LHFPL6: variants seen among roughly 807,000 people sequenced by gnomAD.
LHFPL6 encodes the protein LHFPL tetraspan subfamily member 6, also known as LHFPL tetraspan subfamily member 6 protein.
A neutral mutation model predicts 20.6 loss-of-function variants in LHFPL6; 9 were observed. The observed-to-expected ratio is 0.44, with a 90% CI of 0.26 to 0.76. The LOEUF is 0.76. LHFPL6 is among the 30% of genes least tolerant of loss of function. The probability of loss-of-function intolerance (pLI) is 0.20; values close to 1 mark genes in which losing one functional copy is unlikely to be tolerated. For missense variants in LHFPL6, 218 were observed against 253.5 expected (o/e 0.86, Z 0.95); for synonymous variants, 105 against 98.7 (o/e 1.06, Z -0.38).
chr13:39,343,772 A>G lies in LHFPL6; in HGVS notation c.*164T>C, dbSNP rs1399901368. 1.5e-5 allele frequency: 9 copies of G among 591,812 alleles called. No homozygotes were observed. Among genetic ancestry groups the G allele is most frequent in the Non-Finnish European group, 2.7e-5 (9 of 335,772 alleles). The allele number at this position is 591,812 out of a possible 1,614,324, so 36.7% of individuals were successfully genotyped here. On this transcript the variant is annotated 3_prime_UTR_variant, in exon 4 of 4. Coordinates refer to ENST00000379589, the MANE Select transcript of LHFPL6 (RefSeq NM_005780.3). ...TTTTTTCCCCCACAAATCTCCTACA[A>G]TCCTTCCTTCCTATATCATGTTCCT...
chr13:39,360,274 C>T (rs1869844172), intron 3 of LHFPL6, among the ~76,000 whole-genome samples: 1 of 98,006 alleles, frequency 1.0e-5, no homozygotes, highest in African/African-American at 3.0e-5. Flanking sequence ...CTGCCTCAGC[C>T]TCCCAAAGTG....
At position 39,391,723 on chromosome 13, in the gene LHFPL6, C is replaced by A. The variant is rs887891760; in HGVS notation, c.386-13197G>T. On this transcript the variant is annotated intron_variant, in intron 2 of 3. Transcript: ENST00000379589. ...AACGTATCATAAGATTGCTGATATGCACCATCAATACGGTGGTACAGGTGG... is the reference window on the plus strand; with the variant it reads ...AACGTATCATAAGATTGCTGATATGAACCATCAATACGGTGGTACAGGTGG... 2.2e-5 allele frequency among the ~76,000 whole-genome samples: 3 copies of A among 135,622 alleles called. No individual in the cohort carries two copies. In the South Asian group the frequency reaches 6.8e-4, roughly 31 times the overall value. 89.0% of individuals were successfully genotyped at this position (135,622 alleles called of 152,430 possible).
At chr13:39,393,354 G>A (rs1870758601) in intron 2 of LHFPL6, among the ~76,000 whole-genome samples, 1 of 152,192 alleles carries the variant, frequency 6.6e-6, no homozygotes, top group Non-Finnish European at 1.5e-5. Context: ...GAAGAATAAT[G>A]CAGAAACAAC....
chr13:39,395,318 TCAGG>T (rs1474904995), intron 2 of LHFPL6, among the ~76,000 whole-genome samples: 2 of 152,196 alleles, frequency 1.3e-5, no homozygotes, highest in Non-Finnish European at 2.9e-5. Flanking sequence ...AGTATTACAG[TCAGG>T]CAGGCTGAGT....
At chr13:39,553,795 G>A (rs942419882) in intron 2 of LHFPL6, among the ~76,000 whole-genome samples, 1 of 152,190 alleles carries the variant, frequency 6.6e-6, no homozygotes, top group Non-Finnish European at 1.5e-5. Flanking sequence ...TACCTAGCCT[G>A]CTGGATGAAC....
At chr13:39,567,831 C>T (rs117734216) in intron 2 of LHFPL6, among the ~76,000 whole-genome samples, 3,637 of 152,296 alleles carry the variant, frequency 0.024, 62 homozygotes, top group Non-Finnish European at 0.038. Context: ...ACAGCCATTC[C>T]CATTCATTTA....
At chr13:39,556,750 C>A (rs77520971) in intron 2 of LHFPL6, among the ~76,000 whole-genome samples, 3,836 of 152,166 alleles carry the variant, frequency 0.025, 165 homozygotes, top group African/African-American at 0.087. Flanking sequence ...ATTGTTTGAA[C>A]CCAGGAGTTT....
At chr13:39,453,896 C>A (rs779402341) in intron 2 of LHFPL6, among the ~76,000 whole-genome samples, 21 of 152,308 alleles carry the variant, frequency 1.4e-4, no homozygotes, top group Non-Finnish European at 2.6e-4. Context: ...TCTAGCCCAT[C>A]GGCCACCTGA....
At chr13:39,364,252 G>A (rs1317617241) in intron 3 of LHFPL6, among the ~76,000 whole-genome samples, 1 of 152,212 alleles carries the variant, frequency 6.6e-6, no homozygotes, top group East Asian at 1.9e-4. Flanking sequence ...TCCAGGTGAT[G>A]TTGCTGGGTA....
At chr13:39,561,862 A>G (rs1871493423) in intron 2 of LHFPL6, among the ~76,000 whole-genome samples, 1 of 152,176 alleles carries the variant, frequency 6.6e-6, no homozygotes. Flanking sequence ...CTTTCACTTG[A>G]TTCTCACAAC....
In LHFPL6 at chr13:39,454,389, G is replaced by A. The variant is rs1328554689; in HGVS notation, c.386-75863C>T. On this transcript the variant is annotated intron_variant, in intron 2 of 3. Transcript: ENST00000379589. Reference sequence around the variant, plus strand: ...TCACGCCTGTAATCCCAGCACTTTGGGAGGCCGAGGCGGGCGGATCATGAG... The same window carrying A: ...TCACGCCTGTAATCCCAGCACTTTGAGAGGCCGAGGCGGGCGGATCATGAG... Among the ~76,000 whole-genome samples, 3 of 99,644 alleles carry A rather than the reference G, an allele frequency of 3.0e-5. 1 individual carries two copies. Among genetic ancestry groups the A allele is most frequent in the Non-Finnish European group, 5.7e-5 (3 of 52,690 alleles). The allele number at this position is 99,644 out of a possible 152,430, so 65.4% of individuals were successfully genotyped here. A position where few individuals can be genotyped will look rare whatever the true frequency, so the allele number is the denominator to read the frequency against.
chr13:39,552,987 G>A (rs973400728), intron 2 of LHFPL6, among the ~76,000 whole-genome samples: 1 of 151,874 alleles, frequency 6.6e-6, no homozygotes, highest in African/African-American at 2.4e-5. Flanking sequence ...TTATTCTGGA[G>A]GTAATTCTGA....
At chr13:39,584,956 T>C (rs1367112699) in intron 2 of LHFPL6, among the ~76,000 whole-genome samples, 2 of 152,188 alleles carry the variant, frequency 1.3e-5, no homozygotes, top group East Asian at 3.9e-4. Context: ...ACGAGAAGTC[T>C]ATGGTGACTC....
At chr13:39,348,009 T>C (rs988371537) in intron 3 of LHFPL6, among the ~76,000 whole-genome samples, 2 of 152,232 alleles carry the variant, frequency 1.3e-5, no homozygotes, top group African/African-American at 4.8e-5. Flanking sequence ...TTGAAAACAG[T>C]GTATGTGACA....
intron 2 of LHFPL6, among the ~76,000 whole-genome samples, chr13:39,385,318 C>T (rs767432480): frequency 3.9e-5 from 6 of 152,148 alleles, no homozygotes; most frequent in South Asian, 2.1e-4. Flanking sequence ...GAGTGCCCTG[C>T]GGTTTTTGGG....
chr13:39,594,969 G>A (rs2138552167), intron 2 of LHFPL6, among the ~76,000 whole-genome samples: 1 of 152,228 alleles, frequency 6.6e-6, no homozygotes, highest in South Asian at 2.1e-4. Context: ...GCCTATTGTG[G>A]GGTGGGTGGA....
intron 2 of LHFPL6, among the ~76,000 whole-genome samples, chr13:39,519,293 A>G (rs1870030837): frequency 6.6e-6 from 1 of 152,210 alleles, no homozygotes; most frequent in South Asian, 2.1e-4. Flanking sequence ...AACTTGTATA[A>G]ATACACTTGA....
intron 3 of LHFPL6, among the ~76,000 whole-genome samples, chr13:39,369,631 CT>C: frequency 1.4e-5 from 2 of 140,944 alleles, no homozygotes; most frequent in African/African-American, 2.8e-5. Flanking sequence ...TCCCCCTTTC[CT>C]TTCCTCTCAT....
chr13:39,363,616 C>A (rs1339129668), intron 3 of LHFPL6, among the ~76,000 whole-genome samples: 1 of 152,188 alleles, frequency 6.6e-6, no homozygotes, highest in African/African-American at 2.4e-5. Flanking sequence ...CTCCCCAGGA[C>A]ACCGACAGGG....
Sources: gnomAD v4.1 joint callset for allele counts (sites outside exome capture counted in the v4.1 genomes callset) on GRCh38, gnomAD v4.1.1 for gene constraint, MANE v1.5 for transcripts, NCBI Gene and HGNC (gene_info 2026-07-23, HGNC 2026-07-21) for gene names.